The following LYRM4 variants were observed in gnomAD, a reference collection of about 807,000 sequenced individuals.
The protein encoded by LYRM4 is LYR motif-containing protein 4.
LYRM4 carries 9 observed loss-of-function variants against 11.7 expected under a neutral mutation model. That is an observed-to-expected ratio of 0.77 (90% CI 0.46 to 1.34). LYRM4 has a LOEUF of 1.34. Among genes scored for constraint, LYRM4 ranks in the 40% most tolerant of loss-of-function variants. The pLI is 0.00. For missense variants in LYRM4, 133 were observed against 112.5 expected (o/e 1.18, Z -0.82); for synonymous variants, 42 against 40.4 (o/e 1.04, Z -0.15).
chr6:5,208,852 C>A (rs1761842575), intron 2 of LYRM4, among the ~76,000 whole-genome samples: 1 of 152,150 alleles, frequency 6.6e-6, no homozygotes, highest in Non-Finnish European at 1.5e-5. Context: ...CATACAGGGG[C>A]CAAGCTATAA....
the LYRM4 span, chr6:5,085,209 C>T: frequency 2.3e-6 from 1 of 440,808 alleles, no homozygotes; most frequent in South Asian, 4.6e-5. Flanking sequence ...TCCCCGCCCC[C>T]GGCCCTCCCC....
chr6:5,214,846 G>A (rs1378321652), intron 2 of LYRM4, among the ~76,000 whole-genome samples: 1 of 152,114 alleles, frequency 6.6e-6, no homozygotes, highest in African/African-American at 2.4e-5. Context: ...TCTCTGAAGG[G>A]ATGAGAATGC....
At chr6:5,123,446 C>G (rs1349944801) in intron 2 of LYRM4, among the ~76,000 whole-genome samples, 1 of 152,190 alleles carries the variant, frequency 6.6e-6, no homozygotes, top group African/African-American at 2.4e-5. Context: ...TCTGTAGGAC[C>G]CCCACATCGC....
At chr6:5,213,457 T>G (rs1393539658) in intron 2 of LYRM4, among the ~76,000 whole-genome samples, 1 of 152,198 alleles carries the variant, frequency 6.6e-6, no homozygotes, top group East Asian at 1.9e-4. Flanking sequence ...ACTGCCTTTA[T>G]GGCATGCATG....
chr6:5,193,485 T>A (rs936194917), intron 2 of LYRM4, among the ~76,000 whole-genome samples: 8 of 152,178 alleles, frequency 5.3e-5, no homozygotes, highest in African/African-American at 1.9e-4. Flanking sequence ...AGAAATTTCA[T>A]ACTCAGCTGA....
At chr6:5,150,746 GACT>G (rs1423347614) in intron 2 of LYRM4, among the ~76,000 whole-genome samples, 2 of 152,158 alleles carry the variant, frequency 1.3e-5, no homozygotes, top group Non-Finnish European at 1.5e-5. Context: ...CTCAGGCTCT[GACT>G]ACTATCTTGA....
At chr6:5,083,682 T>A in the LYRM4 span, among the ~76,000 whole-genome samples, 1 of 152,198 alleles carries the variant, frequency 6.6e-6, no homozygotes, top group Non-Finnish European at 1.5e-5. Context: ...AGGTGCTCAG[T>A]CAATCAATGT....
intron 2 of LYRM4, chr6:5,113,520 AG>A: frequency 6.9e-6 from 2 of 291,346 alleles, no homozygotes; most frequent in South Asian, 5.5e-5. Flanking sequence ...GCTGCCCTGA[AG>A]GGGGACCCAC....
intron 1 of LYRM4, among the ~76,000 whole-genome samples, chr6:5,219,223 GAA>G (rs1265956068): frequency 6.6e-6 from 1 of 152,134 alleles, no homozygotes; most frequent in Non-Finnish European, 1.5e-5. Flanking sequence ...AAAGTTTAAG[GAA>G]ATGAGAAAAT....
intron 1 of LYRM4, among the ~76,000 whole-genome samples, chr6:5,229,363 C>T (rs17139831): frequency 0.016 from 2,475 of 152,228 alleles, 63 homozygotes; most frequent in South Asian, 0.052. Flanking sequence ...TTTGCCAAAG[C>T]GGGCGATTGT....
At chr6:5,245,113 A>AAAAAAAT (rs70974183) in intron 1 of LYRM4, among the ~76,000 whole-genome samples, 1 of 24,140 alleles carries the variant, frequency 4.1e-5, no homozygotes, top group Non-Finnish European at 6.6e-5. Flanking sequence ...AAAAAAAAAA[A>AAAAAAAT]ATATATATAT....
At chr6:5,232,081 G>C (rs184017269) in intron 1 of LYRM4, among the ~76,000 whole-genome samples, 13 of 152,196 alleles carry the variant, frequency 8.5e-5, no homozygotes, top group Admixed American at 1.3e-4. Context: ...ATGGCACTTG[G>C]CATTGATCTG....
At chr6:5,169,207 G>T (rs1305978664) in intron 2 of LYRM4, among the ~76,000 whole-genome samples, 4 of 152,106 alleles carry the variant, frequency 2.6e-5, no homozygotes, top group African/African-American at 9.7e-5. Flanking sequence ...GTGATTACAG[G>T]TGTGTGCCAC....
intron 1 of LYRM4, among the ~76,000 whole-genome samples, chr6:5,249,320 T>C (rs1561901844): frequency 6.6e-6 from 1 of 152,226 alleles, no homozygotes; most frequent in Non-Finnish European, 1.5e-5. Context: ...GAAATCTTTC[T>C]AAATCAAGAC....
the LYRM4 span, chr6:5,085,744 T>C: frequency 1.3e-6 from 2 of 1,540,180 alleles, no homozygotes; most frequent in Non-Finnish European, 8.7e-7. Context: ...CTCCTTTTCC[T>C]TGCCCGCCGA....
At chr6:5,201,955 GC>G (rs1370794523) in intron 2 of LYRM4, among the ~76,000 whole-genome samples, 3 of 152,092 alleles carry the variant, frequency 2.0e-5, no homozygotes, top group Admixed American at 2.0e-4. Context: ...ACTTCTCTGA[GC>G]CTCAGTTTCC....
intron 1 of LYRM4, among the ~76,000 whole-genome samples, chr6:5,228,615 T>C (rs1370250210): frequency 6.6e-6 from 1 of 152,098 alleles, no homozygotes; most frequent in African/African-American, 2.4e-5. Flanking sequence ...AGATAATGCA[T>C]AAAATCTTTG....
chr6:5,217,084 G>A (rs1762315287), intron 1 of LYRM4, among the ~76,000 whole-genome samples: 1 of 152,198 alleles, frequency 6.6e-6, no homozygotes, highest in African/African-American at 2.4e-5. Flanking sequence ...AGAACTCAGA[G>A]GTTAGCGGCA....
At chr6:5,052,947 T>C in the LYRM4 span, among the ~76,000 whole-genome samples, 1 of 152,208 alleles carries the variant, frequency 6.6e-6, no homozygotes, top group African/African-American at 2.4e-5. Context: ...TTTCTTTCTC[T>C]CACTTTTGGT....
Sources: gnomAD v4.1 joint callset for allele counts (sites outside exome capture counted in the v4.1 genomes callset) on GRCh38, gnomAD v4.1.1 for gene constraint, MANE v1.5 for transcripts, NCBI Gene and HGNC (gene_info 2026-07-23, HGNC 2026-07-21) for gene names.